The following PRKN variants were observed in gnomAD, a reference collection of about 807,000 sequenced individuals.
PRKN encodes parkin RBR E3 ubiquitin protein ligase.
Under a neutral mutation model 59.5 loss-of-function variants are expected in PRKN, and 56 were observed. The ratio of observed to expected loss-of-function variants is 0.94; its 90% CI spans 0.76 to 1.18. The LOEUF (loss-of-function observed/expected upper bound fraction) is 1.18. Ranked by LOEUF, PRKN falls within the 50% of genes most tolerant of loss-of-function variation. The probability of loss-of-function intolerance (pLI) is 0.00; values close to 1 mark genes in which losing one functional copy is unlikely to be tolerated. For synonymous variants in PRKN, 250 were observed against 222.1 expected (o/e 1.13, Z -1.12); for missense variants, 657 against 596.4 (o/e 1.10, Z -1.06).
chr6:161,943,175 T>C (rs1033553514), intron 6 of PRKN, among the ~76,000 whole-genome samples: 2 of 152,238 alleles, frequency 1.3e-5, no homozygotes, highest in African/African-American at 4.8e-5. Context: ...AAATCCACTG[T>C]CCATCAGCCT....
At chr6:162,630,934 G>A (rs1783087983) in intron 1 of PRKN, among the ~76,000 whole-genome samples, 1 of 152,108 alleles carries the variant, frequency 6.6e-6, no homozygotes, top group Non-Finnish European at 1.5e-5. Context: ...AAATTTTATA[G>A]AACCATTTGC....
At chr6:162,665,211 G>C (rs1779052937) in intron 1 of PRKN, among the ~76,000 whole-genome samples, 1 of 151,976 alleles carries the variant, frequency 6.6e-6, no homozygotes, top group Admixed American at 6.6e-5. Context: ...AGAAATAAAG[G>C]GTATTCAAAT....
chr6:161,946,414 ACTCT>A (rs61537965), intron 6 of PRKN, among the ~76,000 whole-genome samples: 3,238 of 114,300 alleles, frequency 0.028, 58 homozygotes, highest in African/African-American at 0.044. Flanking sequence ...ACACACACAC[ACTCT>A]CTCTCTCTCT....
At position 161,461,532 on chromosome 6, in the gene PRKN, C is replaced by T. The variant is rs1026518714; in HGVS notation, c.1084-74655G>A. On this transcript the variant is annotated intron_variant, in intron 9 of 11. Transcript: ENST00000366898. The surrounding 1 kb of genome is among the most constrained non-coding windows in gnomAD (Gnocchi z 5.1). ...AGTAGTTGAGGTAAAGAGTGGGGACCCTGAGTTAATAGGAAAGAGGAGGTG... is the reference window on the plus strand; with the variant it reads ...AGTAGTTGAGGTAAAGAGTGGGGACTCTGAGTTAATAGGAAAGAGGAGGTG... 8.6e-5 allele frequency among the ~76,000 whole-genome samples: 13 copies of T among 151,832 alleles called. No homozygotes were observed. Among genetic ancestry groups the T allele is most frequent in the African/African-American group, 3.1e-4 (13 of 41,306 alleles).
At chr6:161,839,438 G>A (rs1792893180) in intron 6 of PRKN, among the ~76,000 whole-genome samples, 1 of 152,102 alleles carries the variant, frequency 6.6e-6, no homozygotes, top group Non-Finnish European at 1.5e-5. Context: ...AAACCACCCT[G>A]ACGTTCAGGG....
At chr6:162,606,355 T>G (rs1781913156) in intron 1 of PRKN, among the ~76,000 whole-genome samples, 1 of 152,208 alleles carries the variant, frequency 6.6e-6, no homozygotes, top group Admixed American at 6.5e-5. Context: ...TTGGTCAAAA[T>G]TATCTCACAC....
chr6:161,802,748 T>C (rs1205247748), intron 6 of PRKN, among the ~76,000 whole-genome samples: 1 of 152,132 alleles, frequency 6.6e-6, no homozygotes, highest in African/African-American at 2.4e-5. Flanking sequence ...CTTCCTATAG[T>C]AGATTTGCCT....
Position 161,376,447 on chromosome 6 carries a change from T to C in PRKN, c.1167+10347A>G, listed in dbSNP as rs1193831578. On this transcript the variant is annotated intron_variant, in intron 10 of 11. Coordinates refer to ENST00000366898, the MANE Select transcript of PRKN (RefSeq NM_004562.3). The surrounding 1 kb of genome is among the most constrained non-coding windows in gnomAD (Gnocchi z 7.3). The stretch of plus-strand genomic sequence containing the variant: ...TCGTTCTAAGCTAGACATTCATGCA[T>C]CAACATTAACCCGTCTCCTCTCATC... 1.3e-5 allele frequency among the ~76,000 whole-genome samples: 2 copies of C among 152,190 alleles called. No individual in the cohort carries two copies. The highest frequency in any genetic ancestry group is 2.4e-5 in the African/African-American group (1 of 41,438).
At chr6:162,333,998 C>T (rs955219555) in intron 2 of PRKN, among the ~76,000 whole-genome samples, 1 of 152,170 alleles carries the variant, frequency 6.6e-6, no homozygotes, top group African/African-American at 2.4e-5. Flanking sequence ...ACAGCCACAA[C>T]ATTCCCTAAA....
chr6:162,631,821 A>G (rs1433717835), intron 1 of PRKN, among the ~76,000 whole-genome samples: 1 of 152,032 alleles, frequency 6.6e-6, no homozygotes, highest in Non-Finnish European at 1.5e-5. Flanking sequence ...TGATAGTTTG[A>G]GGTTTTACAT....
At chr6:162,541,368 C>A (rs1307597371) in intron 1 of PRKN, among the ~76,000 whole-genome samples, 1 of 152,166 alleles carries the variant, frequency 6.6e-6, no homozygotes, top group African/African-American at 2.4e-5. Context: ...GAGAGCCATC[C>A]AGACAGGGAG....
Position 161,525,769 on chromosome 6 carries a change from G to C in PRKN, c.1083+23085C>G, listed in dbSNP as rs1310410369. ...ATGCTTCTATGTTAATCTGGAAATA[G>C]GTGTTCTAATTATAGATGCTAAAAA... On this transcript the variant is annotated intron_variant, in intron 9 of 11. Transcript: ENST00000366898. The surrounding 1 kb of genome is among the most constrained non-coding windows in gnomAD (Gnocchi z 4.7). 1.3e-5 allele frequency among the ~76,000 whole-genome samples: 2 copies of C among 152,066 alleles called. No individual in the cohort carries two copies. The highest frequency in any genetic ancestry group is 4.8e-5 in the African/African-American group (2 of 41,414).
chr6:162,286,732 T>G (rs957932252), intron 2 of PRKN, among the ~76,000 whole-genome samples: 3 of 152,216 alleles, frequency 2.0e-5, no homozygotes, highest in African/African-American at 7.2e-5. Context: ...TTCTTTTTCA[T>G]TTTTAAAATA....
intron 1 of PRKN, among the ~76,000 whole-genome samples, chr6:162,523,020 A>G (rs1163031771): frequency 1.3e-5 from 2 of 152,200 alleles, no homozygotes; most frequent in African/African-American, 4.8e-5. Flanking sequence ...CCTTGGAGTC[A>G]TGGCTCATGC....
chr6:161,930,745 A>T (rs936692414), intron 6 of PRKN, among the ~76,000 whole-genome samples: 6 of 152,234 alleles, frequency 3.9e-5, no homozygotes, highest in Non-Finnish European at 7.3e-5. Context: ...AGATATGATG[A>T]GGATCCTGAA....
chr6:162,470,567 G>T (rs1014458108), intron 1 of PRKN, among the ~76,000 whole-genome samples: 1 of 151,472 alleles, frequency 6.6e-6, no homozygotes, highest in African/African-American at 2.4e-5. Flanking sequence ...CTCCAGCCTA[G>T]GCAACACTGC....
intron 1 of PRKN, among the ~76,000 whole-genome samples, chr6:162,512,178 T>TTTTAG (rs1330101220): frequency 6.6e-6 from 1 of 152,182 alleles, no homozygotes; most frequent in Non-Finnish European, 1.5e-5. Context: ...ATCACTTTCC[T>TTTTAG]TACAGCTTCT....
At chr6:162,589,157 G>T (rs1226912377) in intron 1 of PRKN, among the ~76,000 whole-genome samples, 1 of 152,024 alleles carries the variant, frequency 6.6e-6, no homozygotes, top group African/African-American at 2.4e-5. Flanking sequence ...ACAAATTTTA[G>T]TGTTCTTTAC....
chr6:161,481,764 G>C (rs1791411874), intron 9 of PRKN, among the ~76,000 whole-genome samples: 1 of 152,108 alleles, frequency 6.6e-6, no homozygotes, highest in Admixed American at 6.5e-5. Flanking sequence ...CTCTGTTTGA[G>C]CACTTTATTA....
Sources: allele counts gnomAD v4.1 joint callset (sites outside exome capture counted in the v4.1 genomes callset), GRCh38; gene constraint gnomAD v4.1.1; non-coding constraint Gnocchi (gnomAD v3.1); transcripts MANE v1.5; gene names NCBI Gene and HGNC (gene_info 2026-07-23, HGNC 2026-07-21).